Variants in KIF26B observed in about 807,000 individuals in gnomAD.
The protein encoded by KIF26B is kinesin family member 26B.
A neutral mutation model predicts 151.2 loss-of-function variants in KIF26B; 63 were observed. The observed-to-expected ratio is 0.42, with a 90% CI of 0.34 to 0.51. The LOEUF is 0.51. KIF26B is among the 20% of genes least tolerant of loss of function. The pLI is 0.07. For synonymous variants in KIF26B, 1,357 were observed against 1,262.1 expected, an observed-to-expected ratio of 1.08 and a Z score of -1.59; for missense variants, 2,813 against 2,913.6, an observed-to-expected ratio of 0.97 and a Z score of 0.79.
intron 10 of KIF26B, among the ~76,000 whole-genome samples, chr1:245,661,422 T>C (rs559052396): frequency 3.6e-4 from 54 of 152,084 alleles, no homozygotes; most frequent in African/African-American, 1.2e-3. Context: ...GCTGCTTTGA[T>C]CCCACTGTTA....
chr1:245,480,794 AAAG>A (rs1660151151), intron 4 of KIF26B, among the ~76,000 whole-genome samples: 2 of 141,806 alleles, frequency 1.4e-5, no homozygotes, highest in Admixed American at 7.1e-5. Flanking sequence ...AAAAAAAAAA[AAAG>A]AGAGAGAGAA....
At chr1:245,532,862 G>T (rs1661404926) in intron 4 of KIF26B, among the ~76,000 whole-genome samples, 1 of 152,168 alleles carries the variant, frequency 6.6e-6, no homozygotes, top group African/African-American at 2.4e-5. Flanking sequence ...AGGTGAAGGT[G>T]GATGCTCTTA....
intron 3 of KIF26B, among the ~76,000 whole-genome samples, chr1:245,368,014 T>C (rs999609083): frequency 6.6e-6 from 1 of 152,202 alleles, no homozygotes. Context: ...AAGCAGCCTG[T>C]GGAAGTGCTG....
intron 4 of KIF26B, among the ~76,000 whole-genome samples, chr1:245,486,941 A>G (rs1448588810): frequency 6.6e-6 from 1 of 152,224 alleles, no homozygotes; most frequent in Non-Finnish European, 1.5e-5. Context: ...AAAAGAAACT[A>G]AACTTTTGCA....
In KIF26B at chr1:245,356,186, A is replaced by C. The variant is rs574180694; in HGVS notation, c.466-10648A>C. 1.9e-3 allele frequency among the ~76,000 whole-genome samples: 286 copies of C among 152,278 alleles called. 1 individual carries two copies. The highest frequency in any genetic ancestry group is 3.1e-3 in the Non-Finnish European group (212 of 68,022). On this transcript the variant is annotated intron_variant, in intron 2 of 14. Transcript: ENST00000407071. ...CACGAGCCCTCCCAGTACTCCCAGG[A>C]CACTAAAGTGTAGCAGAAACAAGCA... is the stretch of plus-strand genomic sequence containing the variant.
chr1:245,295,696 T>C (rs990816469), intron 2 of KIF26B, among the ~76,000 whole-genome samples: 2 of 152,198 alleles, frequency 1.3e-5, no homozygotes, highest in African/African-American at 4.8e-5. Context: ...ACTATTTTCT[T>C]AAGTCCTTAC....
At chr1:245,403,588 G>C (rs1462370775) in intron 3 of KIF26B, among the ~76,000 whole-genome samples, 1 of 151,322 alleles carries the variant, frequency 6.6e-6, no homozygotes, top group African/African-American at 2.4e-5. Context: ...GCATGCGTGT[G>C]TGTGCATGGG....
At chr1:245,625,642 T>C (rs1329877256) in intron 9 of KIF26B, among the ~76,000 whole-genome samples, 1 of 152,206 alleles carries the variant, frequency 6.6e-6, no homozygotes, top group Non-Finnish European at 1.5e-5. Context: ...ATTATTTTCT[T>C]CTAGCTATTT....
intron 2 of KIF26B, among the ~76,000 whole-genome samples, chr1:245,360,870 C>T (rs1049144000): frequency 1.7e-4 from 26 of 152,074 alleles, no homozygotes; most frequent in Admixed American, 3.9e-4. Context: ...AAAAATTAGC[C>T]GGGTGTGGCG....
At chr1:245,202,870 G>A (rs1669326942) in intron 2 of KIF26B, among the ~76,000 whole-genome samples, 1 of 151,460 alleles carries the variant, frequency 6.6e-6, no homozygotes, top group Non-Finnish European at 1.5e-5. Flanking sequence ...GCACCCAGGA[G>A]GCAGAGGTTG....
At chr1:245,345,162 G>A (rs1672422049) in intron 2 of KIF26B, among the ~76,000 whole-genome samples, 1 of 152,182 alleles carries the variant, frequency 6.6e-6, no homozygotes, top group Non-Finnish European at 1.5e-5. Context: ...GCGCAAGTGA[G>A]GAGATGCTCA....
chr1:245,305,318 TG>T (rs1671515129), intron 2 of KIF26B, among the ~76,000 whole-genome samples: 1 of 152,110 alleles, frequency 6.6e-6, no homozygotes, highest in Admixed American at 6.5e-5. Context: ...ACCCACAGAA[TG>T]GGAGAAAATT....
chr1:245,235,095 G>A (rs1411876175), intron 2 of KIF26B, among the ~76,000 whole-genome samples: 1 of 152,178 alleles, frequency 6.6e-6, no homozygotes. Flanking sequence ...TGAGTTGCCT[G>A]TGGAGGGGCT....
intron 2 of KIF26B, among the ~76,000 whole-genome samples, chr1:245,195,316 CGTA>C (rs746200441): frequency 1.3e-4 from 20 of 152,246 alleles, no homozygotes; most frequent in Non-Finnish European, 2.4e-4. Flanking sequence ...TTTGGGGAGT[CGTA>C]GTCTTTCTGA....
intron 5 of KIF26B, among the ~76,000 whole-genome samples, chr1:245,547,901 T>C (rs1375198992): frequency 6.6e-6 from 1 of 152,200 alleles, no homozygotes; most frequent in African/African-American, 2.4e-5. Context: ...TCCTATCTTA[T>C]ATACCAGGTC....
chr1:245,310,533 C>T (rs890413364), intron 2 of KIF26B, among the ~76,000 whole-genome samples: 17 of 152,168 alleles, frequency 1.1e-4, no homozygotes, highest in Admixed American at 2.0e-4. Context: ...AGCTAGGAAA[C>T]GATGTGCTGT....
Position 245,688,220 on chromosome 1 carries a change from G to C in KIF26B, c.5237G>C (p.Arg1746Pro). Residue 1746 changes from arginine to proline, a missense_variant, in exon 12 of 15, where the codon CGC becomes CCC. Arg to Pro is a moderately radical substitution (Grantham distance 103, BLOSUM62 -2). This residue lies in a region of KIF26B where 2,060 missense variants were observed against 2,088.6 expected (regional missense o/e 0.99). Coordinates refer to ENST00000407071, the MANE Select transcript of KIF26B (RefSeq NM_018012.4). ...SRLLLASPRA[R>P]GPSASTTKTL... ...CTCCTCCTGGCCAGCCCCAGAGCGC[G>C]CGGCCCGTCCGCCTCCACCACCAAA... 1 of 1,588,174 alleles carries C rather than the reference G, an allele frequency of 6.3e-7. No individual in the cohort carries two copies. Among genetic ancestry groups the C allele is most frequent in the Non-Finnish European group, 8.5e-7 (1 of 1,171,888 alleles).
chr1:245,425,510 G>A (rs555608046), intron 4 of KIF26B, among the ~76,000 whole-genome samples: 5 of 152,238 alleles, frequency 3.3e-5, no homozygotes, highest in South Asian at 4.2e-4. Context: ...AGGTTCAAGC[G>A]ATTTTCCTGG....
intron 3 of KIF26B, among the ~76,000 whole-genome samples, chr1:245,390,038 C>T (rs747110990): frequency 4.6e-5 from 7 of 152,086 alleles, no homozygotes; most frequent in East Asian, 3.9e-4. Flanking sequence ...GCCTTTTTTA[C>T]GGTGTTGACA....
Sources: allele counts gnomAD v4.1 joint callset (sites outside exome capture counted in the v4.1 genomes callset), GRCh38; gene constraint gnomAD v4.1.1; regional missense constraint gnomAD v4.1.1; transcripts MANE v1.5; gene names NCBI Gene and HGNC (gene_info 2026-07-23, HGNC 2026-07-21).